Variants in UBTD1 observed in about 807,000 individuals in gnomAD.
The protein encoded by UBTD1 is ubiquitin domain-containing protein 1.
Under a neutral mutation model 21.7 loss-of-function variants are expected in UBTD1, and 19 were observed. That is an observed-to-expected ratio of 0.87 (90% CI 0.61 to 1.28). The LOEUF (loss-of-function observed/expected upper bound fraction) is 1.28. UBTD1 is among the 50% of genes most tolerant of loss of function. UBTD1 has a pLI of 0.00. For synonymous variants in UBTD1, 116 were observed against 135.1 expected, an observed-to-expected ratio of 0.86 and a Z score of 0.98; for missense variants, 282 against 315.1, an observed-to-expected ratio of 0.89 and a Z score of 0.80.
chr10:97,528,818 G>T (rs1368865264), intron 1 of UBTD1, among the ~76,000 whole-genome samples: 3 of 135,888 alleles, frequency 2.2e-5, no homozygotes, highest in African/African-American at 5.5e-5. Flanking sequence ...CCGGGCAGAG[G>T]GGCTCCTCAC....
chr10:97,538,764 G>A (rs1045020082), intron 1 of UBTD1, among the ~76,000 whole-genome samples: 3 of 144,600 alleles, frequency 2.1e-5, no homozygotes, highest in Admixed American at 6.9e-5. Flanking sequence ...ACCCTTCTGT[G>A]TGTATATGTG....
intron 1 of UBTD1, among the ~76,000 whole-genome samples, chr10:97,557,259 T>C (rs1249518562): frequency 6.6e-6 from 1 of 152,250 alleles, no homozygotes; most frequent in African/African-American, 2.4e-5. Context: ...TCTGAAATAC[T>C]GTTTCTGGAG....
intron 2 of UBTD1, 33 bp downstream of exon 2, chr10:97,568,174 T>C (rs759812724): frequency 6.2e-7 from 1 of 1,608,688 alleles, no homozygotes; most frequent in Admixed American, 1.7e-5. Context: ...TTATCCCCGC[T>C]GGAGCTAGGG....
chr10:97,536,869 C>T (rs778918721), intron 1 of UBTD1, among the ~76,000 whole-genome samples: 3 of 152,018 alleles, frequency 2.0e-5, no homozygotes, highest in Non-Finnish European at 4.4e-5. Context: ...TTCGGTCATA[C>T]ATTCATTCAT....
chr10:97,513,671 C>T (rs572324103), intron 1 of UBTD1, among the ~76,000 whole-genome samples: 1 of 152,292 alleles, frequency 6.6e-6, no homozygotes, highest in East Asian at 1.9e-4. Context: ...TCTTTGTACT[C>T]TTACCCAGAC....
chr10:97,515,529 G>A (rs1278465958), intron 1 of UBTD1, among the ~76,000 whole-genome samples: 3 of 152,184 alleles, frequency 2.0e-5, no homozygotes, highest in South Asian at 4.1e-4. Flanking sequence ...ATTTATGATA[G>A]GGCTTCATGG....
At chr10:97,560,661 A>T (rs1475702224) in intron 1 of UBTD1, among the ~76,000 whole-genome samples, 2 of 152,162 alleles carry the variant, frequency 1.3e-5, no homozygotes, top group African/African-American at 4.8e-5. Context: ...AATGCTGGCC[A>T]GTCTATTTCA....
intron 1 of UBTD1, among the ~76,000 whole-genome samples, chr10:97,565,010 C>T (rs911176756): frequency 2.0e-5 from 3 of 152,190 alleles, no homozygotes; most frequent in Admixed American, 2.0e-4. Flanking sequence ...CGCTCCTTTC[C>T]ACACAAACCA....
chr10:97,534,358 C>T (rs138930001), intron 1 of UBTD1, among the ~76,000 whole-genome samples: 6 of 152,300 alleles, frequency 3.9e-5, no homozygotes, highest in East Asian at 1.9e-4. Flanking sequence ...TGGTACAATT[C>T]GCACAAAGCG....
chr10:97,570,645 C>A lies in UBTD1; in HGVS notation c.*122C>A. On this transcript the variant is annotated 3_prime_UTR_variant, in exon 3 of 3. Transcript: ENST00000370664. The surrounding 1 kb of genome is among the most constrained non-coding windows in gnomAD (Gnocchi z 6.6). ...CCCTCGGTGTGGCTGGTGGGTGAGC[C>A]GTGAAGGGACCCTGCCTTTCAGGGC... The A allele has an allele frequency of 3.2e-6, 4 of 1,263,278 alleles. No homozygotes were observed. Among genetic ancestry groups the A allele is most frequent in the South Asian group, 1.5e-5 (1 of 67,660 alleles). The allele number at this position is 1,263,278 out of a possible 1,614,324, so 78.3% of individuals were successfully genotyped here. A position where few individuals can be genotyped will look rare whatever the true frequency, so the allele number is the denominator to read the frequency against.
chr10:97,530,311 A>G (rs1448842046), intron 1 of UBTD1, among the ~76,000 whole-genome samples: 1 of 152,166 alleles, frequency 6.6e-6, no homozygotes, highest in Non-Finnish European at 1.5e-5. Flanking sequence ...GGTGGCTTAC[A>G]CCTTTAATCC....
intron 1 of UBTD1, among the ~76,000 whole-genome samples, chr10:97,535,642 A>G (rs2040556581): frequency 6.6e-6 from 1 of 152,082 alleles, no homozygotes; most frequent in Non-Finnish European, 1.5e-5. Flanking sequence ...AGAAAAAAAA[A>G]TTACTTGCAG....
intron 1 of UBTD1, among the ~76,000 whole-genome samples, chr10:97,558,244 C>T (rs995431334): frequency 1.1e-4 from 16 of 152,176 alleles, no homozygotes; most frequent in Non-Finnish European, 1.8e-4. Flanking sequence ...TCTCTGATAC[C>T]AGGAGTAAGG....
In UBTD1 at chr10:97,544,240, C is replaced by T. The variant is rs543296194; in HGVS notation, c.71-23674C>T. ...CCTGGGAGGCAGAGGTTGCAGTGAGCCAAGTTCACGCCATTGCACTTCAAC... is the reference window on the plus strand; with the variant it reads ...CCTGGGAGGCAGAGGTTGCAGTGAGTCAAGTTCACGCCATTGCACTTCAAC... On this transcript the variant is annotated intron_variant, in intron 1 of 2. Transcript: ENST00000370664. Among the ~76,000 whole-genome samples the T allele has an allele frequency of 2.0e-5, 3 of 151,000 alleles. No individual in the cohort carries two copies. In the East Asian group the frequency reaches 5.8e-4, roughly 29 times the overall value.
At position 97,514,684 on chromosome 10, in the gene UBTD1, T is replaced by C. The variant is rs151246210; in HGVS notation, c.70+15411T>C. Among the ~76,000 whole-genome samples the C allele has an allele frequency of 9.9e-5, 15 of 152,244 alleles. No homozygotes were observed. In the East Asian group the frequency reaches 2.9e-3, roughly 29 times the overall value. ...CGTCTTATCTTCATTGCCCTCTCTG[T>C]GTAAGCCCATGAATCTCTGGTTCCT... is the stretch of plus-strand genomic sequence containing the variant. On this transcript the variant is annotated intron_variant, in intron 1 of 2. Transcript: ENST00000370664.
chr10:97,523,905 C>G (rs181006914), intron 1 of UBTD1, among the ~76,000 whole-genome samples: 228 of 152,172 alleles, frequency 1.5e-3, no homozygotes, highest in African/African-American at 5.0e-3. Context: ...GAGATGATGC[C>G]CCTTCCCCAT....
At chr10:97,559,001 C>T (rs889127940) in intron 1 of UBTD1, among the ~76,000 whole-genome samples, 1 of 152,196 alleles carries the variant, frequency 6.6e-6, no homozygotes, top group Non-Finnish European at 1.5e-5. Context: ...AATACCACCA[C>T]GCATCCGCTC....
intron 1 of UBTD1, among the ~76,000 whole-genome samples, chr10:97,545,135 C>G (rs770477056): frequency 4.6e-5 from 7 of 151,506 alleles, no homozygotes; most frequent in Non-Finnish European, 8.8e-5. Flanking sequence ...GAGATCAAGA[C>G]CATCCTGGCT....
chr10:97,513,008 G>T (rs2040428857), intron 1 of UBTD1, among the ~76,000 whole-genome samples: 1 of 152,196 alleles, frequency 6.6e-6, no homozygotes, highest in African/African-American at 2.4e-5. Context: ...TTGTGAGGTT[G>T]GCAGGCTTGC....
Sources: allele counts gnomAD v4.1 joint callset (sites outside exome capture counted in the v4.1 genomes callset), GRCh38; gene constraint gnomAD v4.1.1; non-coding constraint Gnocchi (gnomAD v3.1); transcripts MANE v1.5; gene names NCBI Gene and HGNC (gene_info 2026-07-23, HGNC 2026-07-21).